Variants in SCFD2 observed in about 807,000 individuals in gnomAD.
The protein encoded by SCFD2 is sec1 family domain-containing protein 2.
A neutral mutation model predicts 58.9 loss-of-function variants in SCFD2; 54 were observed. That is an observed-to-expected ratio of 0.92 (90% CI 0.74 to 1.15). The LOEUF is 1.15. Ranked by LOEUF, SCFD2 falls within the 50% of genes most tolerant of loss-of-function variation. The pLI is 0.00. For synonymous variants in SCFD2, 321 were observed against 335.9 expected, an observed-to-expected ratio of 0.96 and a Z score of 0.49; for missense variants, 805 against 836.6, an observed-to-expected ratio of 0.96 and a Z score of 0.47.
At chr4:53,176,953 A>T (rs1431377104) in intron 4 of SCFD2, among the ~76,000 whole-genome samples, 2 of 151,710 alleles carry the variant, frequency 1.3e-5, no homozygotes, top group Non-Finnish European at 2.9e-5. Context: ...ATCTCAAAAA[A>T]AAAAAAAAAA....
At chr4:53,026,562 C>A (rs193090587) in intron 5 of SCFD2, among the ~76,000 whole-genome samples, 3 of 152,308 alleles carry the variant, frequency 2.0e-5, no homozygotes, top group African/African-American at 7.2e-5. Context: ...TGAAGATTAG[C>A]ATTTTCAGGG....
chr4:53,353,742 T>C (rs1577998776), intron 1 of SCFD2, among the ~76,000 whole-genome samples: 1 of 151,660 alleles, frequency 6.6e-6, no homozygotes, highest in Non-Finnish European at 1.5e-5. Flanking sequence ...AGAGCACTGA[T>C]TGGTGCATTT....
At chr4:53,002,459 A>G (rs1297785937) in intron 5 of SCFD2, among the ~76,000 whole-genome samples, 2 of 152,116 alleles carry the variant, frequency 1.3e-5, no homozygotes, top group Non-Finnish European at 2.9e-5. Flanking sequence ...GCCTTGCTTA[A>G]TATCACTGGG....
At chr4:52,987,907 G>A (rs893952078) in intron 5 of SCFD2, among the ~76,000 whole-genome samples, 2 of 152,230 alleles carry the variant, frequency 1.3e-5, no homozygotes, top group African/African-American at 4.8e-5. Flanking sequence ...GGAACTGCAA[G>A]TGAGACAGCA....
chr4:53,095,734 A>G (rs1203335485), intron 5 of SCFD2, among the ~76,000 whole-genome samples: 1 of 150,994 alleles, frequency 6.6e-6, no homozygotes, highest in East Asian at 1.9e-4. Context: ...TTTTTTTTTT[A>G]TTATACTTTA....
intron 2 of SCFD2, among the ~76,000 whole-genome samples, chr4:53,318,228 G>C (rs1188313357): frequency 2.6e-5 from 4 of 152,182 alleles, no homozygotes; most frequent in African/African-American, 9.6e-5. Flanking sequence ...GACAGCTATA[G>C]AAAGTTAGTG....
At chr4:53,259,391 T>C (rs1210229786) in intron 4 of SCFD2, among the ~76,000 whole-genome samples, 2 of 152,232 alleles carry the variant, frequency 1.3e-5, no homozygotes, top group African/African-American at 4.8e-5. Flanking sequence ...GAGTTGATTT[T>C]TGTATAAGGT....
At chr4:52,921,109 C>T (rs1719725132) in intron 5 of SCFD2, among the ~76,000 whole-genome samples, 1 of 152,104 alleles carries the variant, frequency 6.6e-6, no homozygotes, top group Admixed American at 6.5e-5. Flanking sequence ...CTCAAAATTG[C>T]CTGGGATTTC....
intron 1 of SCFD2, among the ~76,000 whole-genome samples, chr4:53,355,997 G>A (rs994494204): frequency 2.0e-5 from 3 of 152,344 alleles, no homozygotes; most frequent in Non-Finnish European, 4.4e-5. Context: ...AACTGGGTCT[G>A]ACTCAGAGAC....
intron 2 of SCFD2, among the ~76,000 whole-genome samples, chr4:53,352,126 C>T (rs537345943): frequency 6.6e-6 from 1 of 152,128 alleles, no homozygotes; most frequent in Admixed American, 6.5e-5. Flanking sequence ...TCTTTGATTC[C>T]TCTAAGCATG....
At chr4:53,018,690 C>G (rs1441995422) in intron 5 of SCFD2, among the ~76,000 whole-genome samples, 1 of 152,100 alleles carries the variant, frequency 6.6e-6, no homozygotes, top group Non-Finnish European at 1.5e-5. Context: ...GCATATCAAC[C>G]CTGAAGACCA....
intron 4 of SCFD2, among the ~76,000 whole-genome samples, chr4:53,228,284 G>T (rs1480316240): frequency 2.0e-5 from 3 of 152,094 alleles, no homozygotes; most frequent in African/African-American, 7.2e-5. Context: ...GGTAAAAATG[G>T]GAGTGGTGTG....
intron 5 of SCFD2, among the ~76,000 whole-genome samples, chr4:53,023,112 ATACT>A (rs1444802440): frequency 6.6e-6 from 1 of 152,184 alleles, no homozygotes; most frequent in African/African-American, 2.4e-5. Flanking sequence ...AGTTTAGGAA[ATACT>A]TAGACTCATG....
chr4:52,997,628 G>C (rs1721773201), intron 5 of SCFD2, among the ~76,000 whole-genome samples: 1 of 152,130 alleles, frequency 6.6e-6, no homozygotes, highest in South Asian at 2.1e-4. Flanking sequence ...CATCAAAAAG[G>C]CCAACCTCAG....
chr4:52,960,493 C>T (rs1023974935), intron 5 of SCFD2, among the ~76,000 whole-genome samples: 33 of 151,928 alleles, frequency 2.2e-4, no homozygotes, highest in African/African-American at 7.3e-4. Context: ...CTCAGCCTCC[C>T]GAGTAGCTAG....
intron 2 of SCFD2, among the ~76,000 whole-genome samples, chr4:53,330,037 T>G: frequency 6.6e-6 from 1 of 150,564 alleles, no homozygotes; most frequent in Admixed American, 6.6e-5. Flanking sequence ...AGAAGGGAAG[T>G]TTAGAGAAAA....
chr4:52,961,055 G>A (rs1331511884), intron 5 of SCFD2, among the ~76,000 whole-genome samples: 2 of 152,140 alleles, frequency 1.3e-5, no homozygotes, highest in Admixed American at 1.3e-4. Context: ...TGGGCACAGA[G>A]AATGACTGCA....
intron 4 of SCFD2, among the ~76,000 whole-genome samples, chr4:53,190,298 T>C (rs1196202118): frequency 4.6e-5 from 7 of 152,188 alleles, no homozygotes; most frequent in Non-Finnish European, 8.8e-5. Context: ...TGTGTCCTTA[T>C]CATGGTCTAC....
chr4:53,311,314 C>T (rs1204197765), intron 3 of SCFD2, among the ~76,000 whole-genome samples: 1 of 152,148 alleles, frequency 6.6e-6, no homozygotes, highest in East Asian at 1.9e-4. Flanking sequence ...CTCCCACTCT[C>T]ACCCCAGCCC....
Sources: gnomAD v4.1 joint callset for allele counts (sites outside exome capture counted in the v4.1 genomes callset) on GRCh38, gnomAD v4.1.1 for gene constraint, MANE v1.5 for transcripts, NCBI Gene and HGNC (gene_info 2026-07-23, HGNC 2026-07-21) for gene names.